The following PIGL variants were observed in gnomAD, a reference collection of about 807,000 sequenced individuals.
PIGL encodes the protein phosphatidylinositol glycan anchor biosynthesis class L, also known as N-acetylglucosaminyl-phosphatidylinositol de-N-acetylase.
In PIGL, 22 loss-of-function variants were observed where a neutral mutation model predicts 31.1. The ratio of observed to expected loss-of-function variants is 0.71; its 90% CI spans 0.51 to 1.01. The LOEUF is 1.01. Ranked by LOEUF, PIGL falls within the 50% of genes least tolerant of loss-of-function variation. The pLI is 0.00. For synonymous variants in PIGL, 131 were observed against 117.4 expected, an observed-to-expected ratio of 1.12 and a Z score of -0.75; for missense variants, 302 against 315.9, an observed-to-expected ratio of 0.96 and a Z score of 0.33.
chr17:16,258,103 A>AGAGAGAGAGAGAGAGAGAGAGAGAG (rs2092803342), intron 2 of PIGL, among the ~76,000 whole-genome samples: 2 of 65,702 alleles, frequency 3.0e-5, no homozygotes, highest in African/African-American at 7.6e-5. Context: ...GAGAGAGAGA[A>AGAGAGAGAGAGAGAGAGAGAGAGAG]AGAGAGAGAG....
chr17:16,290,379 T>G (rs1249049519), intron 2 of PIGL, among the ~76,000 whole-genome samples: 1 of 138,982 alleles, frequency 7.2e-6, no homozygotes, highest in Non-Finnish European at 1.5e-5. Context: ...TCATCTCCCC[T>G]TCCTCCACTC....
chr17:16,280,726 G>A (rs1600816819), intron 2 of PIGL, among the ~76,000 whole-genome samples: 1 of 151,888 alleles, frequency 6.6e-6, no homozygotes, highest in Admixed American at 6.6e-5. Flanking sequence ...TTTTGTTTGA[G>A]ATAGAGTCTC....
intron 1 of PIGL, among the ~76,000 whole-genome samples, chr17:16,221,301 T>G (rs1475408692): frequency 2.6e-5 from 4 of 152,192 alleles, no homozygotes; most frequent in Admixed American, 2.6e-4. Context: ...TTGCTTAATT[T>G]GACTCCTATA....
chr17:16,294,079 G>C (rs868287050), intron 2 of PIGL, among the ~76,000 whole-genome samples: 1 of 152,270 alleles, frequency 6.6e-6, no homozygotes, highest in South Asian at 2.1e-4. Context: ...GTTGCTCCAC[G>C]CCTTTCTTTT....
chr17:16,220,722 A>C (rs2092624724), intron 1 of PIGL, among the ~76,000 whole-genome samples: 1 of 152,010 alleles, frequency 6.6e-6, no homozygotes, highest in Non-Finnish European at 1.5e-5. Flanking sequence ...TCCCGACCTC[A>C]GGTGATCCGC....
intron 2 of PIGL, among the ~76,000 whole-genome samples, chr17:16,237,101 CTT>C (rs71150281): frequency 2.4e-3 from 137 of 58,120 alleles, no homozygotes; most frequent in African/African-American, 5.0e-3. Context: ...CCACACCTGG[CTT>C]TTTTTTTTTT....
chr17:16,251,756 G>A (rs1016405159), intron 2 of PIGL, among the ~76,000 whole-genome samples: 5 of 151,766 alleles, frequency 3.3e-5, no homozygotes, highest in African/African-American at 4.8e-5. Flanking sequence ...GCTAGATGCT[G>A]AAGAAAGAGA....
At chr17:16,260,688 C>T (rs572489583) in intron 2 of PIGL, among the ~76,000 whole-genome samples, 1 of 152,306 alleles carries the variant, frequency 6.6e-6, no homozygotes, top group East Asian at 1.9e-4. Context: ...AAAGGAGCTA[C>T]CCACTTTGGG....
intron 4 of PIGL, 118 bp from the exon 5 acceptor site, chr17:16,316,563 C>A (rs1463302517): frequency 5.1e-6 from 5 of 971,726 alleles, no homozygotes; most frequent in Admixed American, 2.3e-5. Context: ...AAGAAACCAC[C>A]TGGAGACTCA....
chr17:16,309,921 T>C (rs1406681094), intron 3 of PIGL, among the ~76,000 whole-genome samples: 1 of 150,320 alleles, frequency 6.7e-6, no homozygotes, highest in Non-Finnish European at 1.5e-5. Context: ...CTACTGAAAA[T>C]ACAAAAATTA....
intron 3 of PIGL, among the ~76,000 whole-genome samples, chr17:16,307,527 T>TA (rs1411279329): frequency 6.6e-6 from 1 of 152,236 alleles, no homozygotes; most frequent in African/African-American, 2.4e-5. Context: ...AAACCACATT[T>TA]AAAAATGTGT....
chr17:16,313,393 C>CA (rs1434719146), intron 3 of PIGL, among the ~76,000 whole-genome samples, 154 bp from the exon 4 acceptor site: 6 of 152,250 alleles, frequency 3.9e-5, no homozygotes, highest in African/African-American at 1.4e-4. Flanking sequence ...GCACTAGCTA[C>CA]ACACCACTGA....
At chr17:16,304,667 G>A (rs187373067) in intron 3 of PIGL, among the ~76,000 whole-genome samples, 1 of 152,116 alleles carries the variant, frequency 6.6e-6, no homozygotes, top group Non-Finnish European at 1.5e-5. Context: ...AGCAGCCTAG[G>A]GGGGTAGTAG....
intron 3 of PIGL, chr17:16,300,324 T>G: frequency 4.6e-6 from 1 of 216,906 alleles, no homozygotes; most frequent in Non-Finnish European, 9.2e-6. Flanking sequence ...TGATTCTCAT[T>G]TATACAGAAC....
chr17:16,232,020 G>A (rs191897801), intron 1 of PIGL, among the ~76,000 whole-genome samples: 8 of 152,184 alleles, frequency 5.3e-5, no homozygotes, highest in Non-Finnish European at 1.0e-4. Flanking sequence ...GCTCACTCCT[G>A]TAATCCCTTC....
intron 2 of PIGL, among the ~76,000 whole-genome samples, chr17:16,286,719 G>A (rs1199196138): frequency 6.6e-6 from 1 of 152,096 alleles, no homozygotes; most frequent in African/African-American, 2.4e-5. Context: ...TAAAAGACTG[G>A]CAAGAGTTGG....
chr17:16,256,904 C>T (rs1213310454), intron 2 of PIGL, among the ~76,000 whole-genome samples: 1 of 151,082 alleles, frequency 6.6e-6, no homozygotes, highest in Non-Finnish European at 1.5e-5. Context: ...CTAGGCTGGT[C>T]TTGAACTCTT....
At chr17:16,283,825 T>A (rs550091631) in intron 2 of PIGL, among the ~76,000 whole-genome samples, 1 of 152,204 alleles carries the variant, frequency 6.6e-6, no homozygotes, top group Non-Finnish European at 1.5e-5. Context: ...TTAACTTCAA[T>A]CAGAATCCAT....
Position 16,225,293 on chromosome 17 carries a change from A to G in PIGL, c.235+7832A>G, listed in dbSNP as rs539027565. ...AATAATTCCAGTTTCTGCAGTCTGT[A>G]TATCTGATTCTGTTCTTTGTTCTAG... On this transcript the variant is annotated intron_variant, in intron 1 of 6. Coordinates refer to ENST00000225609, the MANE Select transcript of PIGL (RefSeq NM_004278.4). 2.6e-4 allele frequency among the ~76,000 whole-genome samples: 39 copies of G among 150,232 alleles called. No homozygotes were observed. In the South Asian group the frequency reaches 6.9e-3, roughly 27 times the overall value.
Sources: allele counts gnomAD v4.1 joint callset (sites outside exome capture counted in the v4.1 genomes callset), GRCh38; gene constraint gnomAD v4.1.1; transcripts MANE v1.5; gene names NCBI Gene and HGNC (gene_info 2026-07-23, HGNC 2026-07-21).